Variants in EMC3 observed in about 807,000 individuals in gnomAD.
EMC3 encodes the protein ER membrane protein complex subunit 3, also known as 30 kDa protein.
A neutral mutation model predicts 36.6 loss-of-function variants in EMC3; 13 were observed. The ratio of observed to expected loss-of-function variants is 0.35; its 90% CI spans 0.23 to 0.56. The LOEUF (loss-of-function observed/expected upper bound fraction) is 0.56, where lower values mean the gene tolerates loss of function less well. EMC3 is among the 20% of genes least tolerant of loss of function. EMC3 has a pLI of 0.84. For missense variants in EMC3, 220 were observed against 324.5 expected (o/e 0.68, Z 2.47); for synonymous variants, 120 against 111.9 (o/e 1.07, Z -0.46).
chr3:10,001,749 G>A (rs1262614558), intron 1 of EMC3, among the ~76,000 whole-genome samples: 2 of 152,072 alleles, frequency 1.3e-5, no homozygotes, highest in Admixed American at 6.6e-5. Context: ...TGTAATTCCA[G>A]CACTATGAGA....
At chr3:9,997,675 G>A (rs920669004) in intron 1 of EMC3, among the ~76,000 whole-genome samples, 1 of 151,718 alleles carries the variant, frequency 6.6e-6, no homozygotes, top group East Asian at 2.0e-4. Context: ...GGCCAGGCTG[G>A]TCTCAAACGG....
At chr3:9,982,844 C>T (rs1415829823) in intron 1 of EMC3, among the ~76,000 whole-genome samples, 4 of 151,418 alleles carry the variant, frequency 2.6e-5, no homozygotes, top group Non-Finnish European at 5.9e-5. Flanking sequence ...CTTGACTGTG[C>T]CAGTGCTCTC....
intron 1 of EMC3, among the ~76,000 whole-genome samples, chr3:10,010,697 C>T (rs1392906101): frequency 6.6e-6 from 1 of 152,222 alleles, no homozygotes; most frequent in Non-Finnish European, 1.5e-5. Flanking sequence ...AGGAAGGCCC[C>T]TGAGGTGCTA....
At chr3:9,969,001 C>G (rs1437734779) in intron 7 of EMC3, 1 of 151,904 alleles carries the variant, frequency 6.6e-6, no homozygotes, top group Non-Finnish European at 1.5e-5. Context: ...TTTTTTGTAT[C>G]TTTAGTAGAA....
At chr3:9,978,823 C>CA (rs1165798755) in intron 1 of EMC3, among the ~76,000 whole-genome samples, 4 of 150,154 alleles carry the variant, frequency 2.7e-5, no homozygotes, top group Admixed American at 6.6e-5. Flanking sequence ...GACTCCATCT[C>CA]AAAAAAACAA....
At chr3:9,979,627 C>T (rs2085888474) in intron 1 of EMC3, among the ~76,000 whole-genome samples, 1 of 152,164 alleles carries the variant, frequency 6.6e-6, no homozygotes, top group Non-Finnish European at 1.5e-5. Flanking sequence ...AAATATCTTA[C>T]GATGGTCAAA....
chr3:10,000,495 A>G (rs1439864940), intron 1 of EMC3, among the ~76,000 whole-genome samples: 1 of 152,212 alleles, frequency 6.6e-6, no homozygotes, highest in Non-Finnish European at 1.5e-5. Flanking sequence ...ACCACAAGCT[A>G]GTCTTAGTTT....
At chr3:9,969,862 G>C in intron 6 of EMC3, 61 bp from the exon 7 acceptor site, 1 of 1,592,654 alleles carries the variant, frequency 6.3e-7, no homozygotes, top group South Asian at 1.1e-5. Flanking sequence ...AGCACCCAAG[G>C]GGAAGAATGG....
chr3:9,993,134 A>C (rs1289763741), intron 1 of EMC3: 2 of 663,424 alleles, frequency 3.0e-6, no homozygotes, highest in African/African-American at 3.6e-5. Context: ...TTATTTTTGC[A>C]TTAACATTTT....
intron 2 of EMC3, 55 bp from the exon 3 acceptor site, chr3:9,977,105 G>T: frequency 7.5e-7 from 1 of 1,334,032 alleles, no homozygotes; most frequent in Non-Finnish European, 1.1e-6. Context: ...ACAGCAAACT[G>T]TTAAATTACT....
intron 1 of EMC3, among the ~76,000 whole-genome samples, chr3:10,001,745 T>C (rs9867091): frequency 0.25 from 38,044 of 151,342 alleles, 5,963 homozygotes; most frequent in African/African-American, 0.45. Flanking sequence ...CGCCTGTAAT[T>C]CCAGCACTAT....
chr3:9,977,689 G>C (rs1173240281), intron 1 of EMC3, among the ~76,000 whole-genome samples: 1 of 152,154 alleles, frequency 6.6e-6, no homozygotes, highest in Non-Finnish European at 1.5e-5. Context: ...ATATTTCAGA[G>C]TTAGGTACAT....
rs895615938 is a variant in EMC3 at position 10,000,527 on chromosome 3, A to C, written c.-242+10496T>G. Reference sequence around the variant, plus strand: ...GTTTTAAATCACAACTGCCCAACAAAATATTCTGTCATTTATGATCTGATT... The same window carrying C: ...GTTTTAAATCACAACTGCCCAACAACATATTCTGTCATTTATGATCTGATT... On this transcript the variant is annotated intron_variant, in intron 1 of 8. Coordinates refer to the EMC3 transcript ENST00000470827. 181 of 238,010 alleles carry C rather than the reference A, an allele frequency of 7.6e-4. 1 individual carries two copies. Among genetic ancestry groups the C allele is most frequent in the Non-Finnish European group, 1.9e-4 (22 of 115,000 alleles). The allele number at this position is 238,010 out of a possible 1,614,324, so 14.7% of individuals were successfully genotyped here.
rs75546518 is a variant in EMC3, at chr3:9,986,830, G to C, written c.-169C>G. On this transcript the variant is annotated 5_prime_UTR_variant, in exon 1 of 8. Transcript: ENST00000245046. Reference sequence around the variant, plus strand: ...CTTACTGCCTTCAGCTGGGCTGCCTGGTCTTCCACTTCCGGCGCGAACGTT... The same window carrying C: ...CTTACTGCCTTCAGCTGGGCTGCCTCGTCTTCCACTTCCGGCGCGAACGTT... 1.4e-6 allele frequency: 2 copies of C among 1,398,862 alleles called. No homozygotes were observed. The highest frequency in any genetic ancestry group is 1.6e-5 in the South Asian group (1 of 61,108). The allele number at this position is 1,398,862 out of a possible 1,614,324, so 86.7% of individuals were successfully genotyped here.
intron 4 of EMC3, among the ~76,000 whole-genome samples, chr3:9,973,937 C>T (rs887232488): frequency 2.6e-5 from 4 of 152,186 alleles, no homozygotes; most frequent in African/African-American, 9.7e-5. Flanking sequence ...GGGACTCAAA[C>T]TGAGCTGTGA....
intron 1 of EMC3, among the ~76,000 whole-genome samples, chr3:10,001,405 C>CAAAAAAAAAAAAAAAA: frequency 1.3e-5 from 1 of 79,656 alleles, no homozygotes; most frequent in Non-Finnish European, 2.7e-5. Context: ...GCTAAAAATA[C>CAAAAAAAAAAAAAAAA]AAAAAAAAAA....
chr3:9,966,163 T>A (rs974509785), intron 7 of EMC3, among the ~76,000 whole-genome samples: 2 of 152,088 alleles, frequency 1.3e-5, no homozygotes, highest in African/African-American at 4.8e-5. Flanking sequence ...TACCGACACT[T>A]GTTATTGTTG....
chr3:9,982,420 A>T (rs1192167547), intron 1 of EMC3, among the ~76,000 whole-genome samples: 1 of 151,498 alleles, frequency 6.6e-6, no homozygotes, highest in Non-Finnish European at 1.5e-5. Context: ...TGCTCGGGTT[A>T]TTTTTTGTAT....
upstream of EMC3, chr3:9,986,907 C>A (rs1575687551): frequency 2.3e-6 from 3 of 1,296,394 alleles, no homozygotes; most frequent in African/African-American, 1.5e-5. Context: ...TCGGGCCTGG[C>A]GGGAAAGTGG....
Sources: allele counts gnomAD v4.1 joint callset (sites outside exome capture counted in the v4.1 genomes callset), GRCh38; gene constraint gnomAD v4.1.1; transcripts MANE v1.5; gene names NCBI Gene and HGNC (gene_info 2026-07-23, HGNC 2026-07-21).